Variants in CDC7 observed in about 807,000 individuals in gnomAD.
CDC7 encodes cell division cycle 7-related protein kinase.
Under a neutral mutation model 53.5 loss-of-function variants are expected in CDC7, and 34 were observed. That is an observed-to-expected ratio of 0.64 (90% CI 0.48 to 0.85). The LOEUF is 0.85. Among genes scored for constraint, CDC7 ranks in the 40% least tolerant of loss-of-function variants. CDC7 has a pLI of 0.00. For missense variants in CDC7, 594 were observed against 679.7 expected (o/e 0.87, Z 1.40); for synonymous variants, 211 against 222.8 (o/e 0.95, Z 0.47).
chr1:91,508,042 C>A, intron 3 of CDC7, 105 bp downstream of exon 3: 2 of 987,156 alleles, frequency 2.0e-6, no homozygotes, highest in Non-Finnish European at 1.5e-6. Context: ...AAAAATATAC[C>A]ACTTTTTAGA....
At chr1:91,505,583 T>A (rs2102330099) in intron 2 of CDC7, among the ~76,000 whole-genome samples, 1 of 152,330 alleles carries the variant, frequency 6.6e-6, no homozygotes, top group East Asian at 1.9e-4. Context: ...TAGAGGCATT[T>A]AAATAATTTT....
intron 7 of CDC7, 141 bp downstream of exon 7, chr1:91,513,448 T>C (rs955422815): frequency 1.6e-6 from 1 of 617,254 alleles, no homozygotes; most frequent in Non-Finnish European, 2.7e-6. Flanking sequence ...TTCATTTGAT[T>C]AAATTTTCAC....
In CDC7 at chr1:91,507,883, G is replaced by A; in HGVS notation, c.145G>A (p.Glu49Lys). The A allele has an allele frequency of 6.9e-7, 1 of 1,442,498 alleles. No homozygotes were observed. The highest frequency in any genetic ancestry group is 9.6e-7 in the Non-Finnish European group (1 of 1,043,248). The allele number at this position is 1,442,498 out of a possible 1,614,324, so 89.4% of individuals were successfully genotyped here. ...GVKKDIEKLY[E>K]AVPQLSNVFK... ...TAAAAAAGATATTGAGAAGCTTTAT[G>A]AAGCTGTACCACAGCTTAGTAATGT... Residue 49 changes from glutamate to lysine, a missense_variant, in exon 3 of 12, where the codon GAA (glutamate) becomes AAA (lysine). Coordinates refer to ENST00000234626, the MANE Select transcript of CDC7 (RefSeq NM_003503.4).
chr1:91,503,302 T>C (rs555603399), intron 2 of CDC7, among the ~76,000 whole-genome samples: 6 of 152,348 alleles, frequency 3.9e-5, no homozygotes, highest in South Asian at 2.1e-4. Flanking sequence ...TTTACTCTTA[T>C]GGTTCTTTTT....
At chr1:91,511,539 TA>T in intron 4 of CDC7, 57 bp from the exon 5 acceptor site, 3 of 1,122,550 alleles carry the variant, frequency 2.7e-6, no homozygotes, top group Non-Finnish European at 3.9e-6. Context: ...AAATTAGGCA[TA>T]AAGTTTCAGT....
chr1:91,511,557 G>T, intron 4 of CDC7, 40 bp from the exon 5 acceptor site: 1 of 1,329,670 alleles, frequency 7.5e-7, no homozygotes, highest in South Asian at 1.3e-5. Flanking sequence ...CAGTCCCTCT[G>T]ACCTTTCTTC....
intron 2 of CDC7, among the ~76,000 whole-genome samples, chr1:91,502,838 T>G (rs919426414): frequency 1.3e-5 from 2 of 152,182 alleles, no homozygotes; most frequent in Non-Finnish European, 2.9e-5. Flanking sequence ...TCAGTTCATC[T>G]TGTATGTTGG....
At chr1:91,503,359 A>G (rs1666806759) in intron 2 of CDC7, among the ~76,000 whole-genome samples, 1 of 152,234 alleles carries the variant, frequency 6.6e-6, no homozygotes, top group South Asian at 2.1e-4. Context: ...CATAACTTCA[A>G]TAGGGAGCAA....
chr1:91,511,976 A>G, intron 6 of CDC7, 53 bp downstream of exon 6: 6 of 1,312,666 alleles, frequency 4.6e-6, no homozygotes, highest in Non-Finnish European at 6.3e-6. Context: ...TTAAAAAACA[A>G]TTTTATTGTC....
rs1303853823 is a variant in CDC7 at position 91,514,831 on chromosome 1, T to G, written c.931T>G (p.Ser311Ala). 6.2e-7 allele frequency: 1 copy of G among 1,603,956 alleles called. No individual in the cohort carries two copies. Among genetic ancestry groups the G allele is most frequent in the Non-Finnish European group, 8.5e-7 (1 of 1,175,804 alleles). ...ESPAVKLMKQ[S>A]KTVDVLSRKL... is the part of the protein sequence containing the mutation. Reference sequence around the variant, plus strand: ...TTTTCTTTTACAGCTCATGAAGCAGTCAAAGACTGTGGATGTACTGTCTAG... The same window carrying G: ...TTTTCTTTTACAGCTCATGAAGCAGGCAAAGACTGTGGATGTACTGTCTAG... Residue 311 changes from serine to alanine, a missense_variant, in exon 9 of 12, where the codon TCA (serine) becomes GCA (alanine). Coordinates refer to ENST00000234626, the MANE Select transcript of CDC7 (RefSeq NM_003503.4).
chr1:91,521,002 T>C (rs183303308), intron 11 of CDC7, among the ~76,000 whole-genome samples: 1 of 152,332 alleles, frequency 6.6e-6, no homozygotes, highest in Non-Finnish European at 1.5e-5. Flanking sequence ...ATTTAATGTT[T>C]ATTTTCCACG....
chr1:91,502,400 T>C (rs1288992548), intron 2 of CDC7, among the ~76,000 whole-genome samples: 1 of 152,206 alleles, frequency 6.6e-6, no homozygotes, highest in African/African-American at 2.4e-5. Context: ...TAGTAGGTAT[T>C]TGTTAATAAT....
chr1:91,513,800 A>T (rs1667410997), intron 7 of CDC7, 148 bp from the exon 8 acceptor site: 1 of 561,982 alleles, frequency 1.8e-6, no homozygotes, highest in Non-Finnish European at 3.2e-6. Flanking sequence ...TTCTCCTTTC[A>T]CAGAAGTGGT....
At chr1:91,522,636 A>G (rs565895027) in intron 11 of CDC7, among the ~76,000 whole-genome samples, 30 of 152,314 alleles carry the variant, frequency 2.0e-4, no homozygotes, top group African/African-American at 7.0e-4. Context: ...TTATTTTATG[A>G]CTTCAGAACA....
At chr1:91,503,240 G>A (rs1007190146) in intron 2 of CDC7, among the ~76,000 whole-genome samples, 1 of 152,144 alleles carries the variant, frequency 6.6e-6, no homozygotes, top group Admixed American at 6.5e-5. Context: ...TAGCGTTTAT[G>A]TAACAGAACA....
rs1335129911 is a variant in CDC7 at position 91,524,120 on chromosome 1, T to C, written c.1410T>C (p.Ser470=). The C allele has an allele frequency of 6.2e-7, 1 of 1,613,952 alleles. No individual in the cohort carries two copies. Among genetic ancestry groups the C allele is most frequent in the South Asian group, 1.1e-5 (1 of 91,074 alleles). The change falls in exon 12 of 12, where the codon TCT becomes TCC. Residue 470 remains serine (S), a synonymous_variant. Transcript: ENST00000234626. ...KLCERLRGMD[S]STPKLTSDIQ... ...GTGAGAGACTCAGGGGTATGGATTCTAGCACTCCCAAGTTAACAAGTGATA... is the reference window on the plus strand; with the variant it reads ...GTGAGAGACTCAGGGGTATGGATTCCAGCACTCCCAAGTTAACAAGTGATA...
chr1:91,514,017 A>G lies in CDC7; in HGVS notation c.892A>G (p.Ile298Val). 4 of 1,611,632 alleles carry G rather than the reference A, an allele frequency of 2.5e-6. No individual in the cohort carries two copies. Among genetic ancestry groups the G allele is most frequent in the Non-Finnish European group, 3.4e-6 (4 of 1,178,082 alleles). ...AAGAAATTTCAATATACACAGCTCC[A>G]TTTCACATGAGAGCCCTGCAGTGAA... The part of the protein sequence containing the change: ...GERNFNIHSS[I>V]SHESPAVKLM... Residue 298 changes from isoleucine (I) to valine (V), a missense_variant, in exon 8 of 12, where the codon ATT becomes GTT. Ile to Val is a conservative substitution (Grantham distance 29). Coordinates refer to ENST00000234626, the MANE Select transcript of CDC7 (RefSeq NM_003503.4).
In CDC7 at chr1:91,520,279, G is replaced by A; in HGVS notation, c.1330G>A (p.Gly444Arg). The change falls in exon 11 of 12, where the codon GGG (glycine) becomes AGG (arginine). Residue 444 changes from glycine to arginine, a missense_variant and splice_region_variant. Gly to Arg is a moderately radical substitution (Grantham distance 125). Coordinates refer to ENST00000234626, the MANE Select transcript of CDC7 (RefSeq NM_003503.4). ...RETIQAAKTF[G>R]KSILCSKEVP... ...AACTATCCAAGCTGCTAAAACTTTT[G>A]GTAAGCAGTTTTGTATTATAGAACC... 6.3e-7 allele frequency: 1 copy of A among 1,589,020 alleles called. No individual in the cohort carries two copies. Among genetic ancestry groups the A allele is most frequent in the African/African-American group, 1.4e-5 (1 of 73,786 alleles).
chr1:91,505,533 TA>T (rs1666941054), intron 2 of CDC7, among the ~76,000 whole-genome samples: 1 of 152,192 alleles, frequency 6.6e-6, no homozygotes, highest in South Asian at 2.1e-4. Flanking sequence ...AAAAGTGACT[TA>T]AAATGTCAAA....
Sources: allele counts gnomAD v4.1 joint callset (sites outside exome capture counted in the v4.1 genomes callset), GRCh38; gene constraint gnomAD v4.1.1; transcripts MANE v1.5; gene names NCBI Gene and HGNC (gene_info 2026-07-23, HGNC 2026-07-21).